The following NELL1 variants were observed in gnomAD, a reference collection of about 807,000 sequenced individuals.
NELL1 encodes neural EGFL like 1, also known as protein kinase C-binding protein NELL1.
Under a neutral mutation model 107.4 loss-of-function variants are expected in NELL1, and 76 were observed. The ratio of observed to expected loss-of-function variants is 0.71; its 90% CI spans 0.59 to 0.86. NELL1 has a LOEUF of 0.86. Among genes scored for constraint, NELL1 ranks in the 40% least tolerant of loss-of-function variants. NELL1 has a pLI of 0.00. For synonymous variants in NELL1, 353 were observed against 341.2 expected (o/e 1.03, Z -0.38); for missense variants, 1,024 against 1,005.5 (o/e 1.02, Z -0.25).
chr11:21,199,097 A>G (rs1445061339), intron 13 of NELL1, among the ~76,000 whole-genome samples: 2 of 152,150 alleles, frequency 1.3e-5, no homozygotes, highest in East Asian at 3.9e-4. Flanking sequence ...GGCAAACTCA[A>G]GGGCAGAGAG....
At chr11:20,805,853 A>C (rs1412800147) in intron 3 of NELL1, among the ~76,000 whole-genome samples, 1 of 152,228 alleles carries the variant, frequency 6.6e-6, no homozygotes, top group Non-Finnish European at 1.5e-5. Context: ...ATAAACAAAC[A>C]AGCAAATGAA....
chr11:21,083,540 G>A (rs1407124248), intron 12 of NELL1, among the ~76,000 whole-genome samples: 1 of 152,142 alleles, frequency 6.6e-6, no homozygotes, highest in Non-Finnish European at 1.5e-5. Context: ...TAGGATTCAA[G>A]CCCTATCACA....
intron 12 of NELL1, among the ~76,000 whole-genome samples, chr11:21,021,624 T>G (rs547791351): frequency 6.6e-6 from 1 of 152,224 alleles, no homozygotes; most frequent in African/African-American, 2.4e-5. Context: ...GCAAATTGCA[T>G]TATGTACATG....
intron 14 of NELL1, among the ~76,000 whole-genome samples, chr11:21,316,917 G>A (rs529881722): frequency 3.4e-4 from 51 of 152,104 alleles, no homozygotes; most frequent in Non-Finnish European, 6.2e-4. Context: ...AGGCTGGGGT[G>A]GGAACACATA....
intron 13 of NELL1, among the ~76,000 whole-genome samples, chr11:21,220,202 A>G (rs34623831): frequency 6.6e-6 from 1 of 152,116 alleles, no homozygotes; most frequent in Non-Finnish European, 1.5e-5. Context: ...GTTCTCTATT[A>G]TGTTCAATCG....
chr11:20,943,058 T>G (rs79839152), intron 10 of NELL1, among the ~76,000 whole-genome samples: 2 of 121,626 alleles, frequency 1.6e-5, no homozygotes, highest in Non-Finnish European at 1.6e-5. Context: ...TTTTACTGTT[T>G]TTTTTTTTTT....
At chr11:20,928,707 T>A (rs1850554061) in intron 9 of NELL1, among the ~76,000 whole-genome samples, 1 of 152,128 alleles carries the variant, frequency 6.6e-6, no homozygotes, top group South Asian at 2.1e-4. Flanking sequence ...CACCTGTAAT[T>A]ACTATTCTTC....
chr11:21,284,186 A>G (rs1263574261), intron 14 of NELL1: 4 of 453,898 alleles, frequency 8.8e-6, no homozygotes, highest in Non-Finnish European at 1.8e-5. Flanking sequence ...CTTCAACAAC[A>G]TGTTGCATAC....
intron 14 of NELL1, among the ~76,000 whole-genome samples, chr11:21,292,372 G>C (rs557806181): frequency 6.6e-6 from 1 of 152,038 alleles, no homozygotes; most frequent in African/African-American, 2.4e-5. Context: ...AACTTATGAG[G>C]GATGTGAAGG....
intron 12 of NELL1, among the ~76,000 whole-genome samples, chr11:20,994,525 A>C (rs901178262): frequency 6.6e-6 from 1 of 152,142 alleles, no homozygotes; most frequent in Non-Finnish European, 1.5e-5. Flanking sequence ...AAGAACAACA[A>C]ATAAATTGCT....
intron 11 of NELL1, among the ~76,000 whole-genome samples, chr11:20,958,532 A>G (rs1011686154): frequency 2.8e-4 from 43 of 152,216 alleles, no homozygotes; most frequent in African/African-American, 1.0e-3. Context: ...CTCAGCAGCA[A>G]TAATAGAAGC....
chr11:20,841,972 A>T (rs1201914280), intron 3 of NELL1, among the ~76,000 whole-genome samples: 2 of 152,196 alleles, frequency 1.3e-5, no homozygotes, highest in African/African-American at 4.8e-5. Context: ...TTCAGGACAC[A>T]TAGCCATTGA....
chr11:21,444,281 A>G (rs1374513782), intron 15 of NELL1, among the ~76,000 whole-genome samples: 4 of 152,282 alleles, frequency 2.6e-5, no homozygotes, highest in East Asian at 1.9e-4. Flanking sequence ...AACTGCCATG[A>G]TCAAATAATG....
Position 21,469,005 on chromosome 11 carries a change from T to TTTTTG in NELL1, c.1646-65348_1646-65344dup, listed in dbSNP as rs374449961. 3.0e-3 allele frequency among the ~76,000 whole-genome samples: 453 copies of TTTTTG among 152,090 alleles called. 2 individuals carry two copies. The highest frequency in any genetic ancestry group is 0.016 in the South Asian group (76 of 4,820). ...AATTCTGGGTGTTTTTTTTGTTTGTTTTTTGTTTTGTTTTGTTTTGTTTTG... is the reference window on the plus strand; with the variant it reads ...AATTCTGGGTGTTTTTTTTGTTTGTTTTTTGTTTTGTTTTGTTTTGTTTTGTTTTG... On this transcript the variant is annotated intron_variant, in intron 15 of 19. Transcript: ENST00000357134.
intron 15 of NELL1, among the ~76,000 whole-genome samples, chr11:21,502,942 G>A (rs149755965): frequency 0.01 from 1,550 of 152,226 alleles, 22 homozygotes; most frequent in African/African-American, 0.036. Flanking sequence ...GAGTGCAATG[G>A]CATGATCTAG....
intron 13 of NELL1, among the ~76,000 whole-genome samples, chr11:21,208,842 G>T (rs1425896529): frequency 6.6e-6 from 1 of 152,130 alleles, no homozygotes; most frequent in African/African-American, 2.4e-5. Context: ...CAGAGTGGGG[G>T]TAGTTCCACC....
At chr11:20,937,304 C>T (rs1737168504) in intron 9 of NELL1, among the ~76,000 whole-genome samples, 3 of 152,188 alleles carry the variant, frequency 2.0e-5, no homozygotes, top group African/African-American at 7.2e-5. Flanking sequence ...ACTTGTCTCA[C>T]ATGTGTATTT....
At position 20,962,252 on chromosome 11, in the gene NELL1, C is replaced by G. The variant is rs1441552388; in HGVS notation, c.1300+1692C>G. ...ATTAATATTTATGTTTAGATCTTCC[C>G]TTATGCTATTTTCTATCAGAAAATT... On this transcript the variant is annotated intron_variant, in intron 12 of 19. Coordinates refer to ENST00000357134, the MANE Select transcript of NELL1 (RefSeq NM_006157.5). 2.0e-5 allele frequency among the ~76,000 whole-genome samples: 3 copies of G among 151,866 alleles called. No homozygotes were observed. The East Asian group carries it at 5.8e-4, about 29-fold the overall frequency.
chr11:21,387,402 C>T lies in NELL1; in HGVS notation c.1645+16454C>T, dbSNP rs371097289. Reference sequence around the variant, plus strand: ...ACCATGAATGCAGAGATTTTTTTGTCAGTGTTTGCTGCTACAGCCCAGCTC... The same window carrying T: ...ACCATGAATGCAGAGATTTTTTTGTTAGTGTTTGCTGCTACAGCCCAGCTC... On this transcript the variant is annotated intron_variant, in intron 15 of 19. Coordinates refer to ENST00000357134, the MANE Select transcript of NELL1 (RefSeq NM_006157.5). Among the ~76,000 whole-genome samples, 267 of 151,894 alleles carry T rather than the reference C, an allele frequency of 1.8e-3. 9 individuals carry two copies. In the South Asian group the frequency reaches 0.053, roughly 30 times the overall value.
Sources: gnomAD v4.1 joint callset for allele counts (sites outside exome capture counted in the v4.1 genomes callset) on GRCh38, gnomAD v4.1.1 for gene constraint, MANE v1.5 for transcripts, NCBI Gene and HGNC (gene_info 2026-07-23, HGNC 2026-07-21) for gene names.